Variants in SEC63 observed in about 807,000 individuals in gnomAD.
SEC63 encodes SEC63 protein translocation regulator, also known as translocation protein SEC63 homolog.
Under a neutral mutation model 116.2 loss-of-function variants are expected in SEC63, and 56 were observed. That is an observed-to-expected ratio of 0.48 (90% CI 0.39 to 0.60). The LOEUF is 0.60. SEC63 is among the 20% of genes least tolerant of loss of function. SEC63 has a pLI of 0.00. For synonymous variants in SEC63, 273 were observed against 294.6 expected (o/e 0.93, Z 0.75); for missense variants, 668 against 900.0 (o/e 0.74, Z 3.30).
intron 2 of SEC63, among the ~76,000 whole-genome samples, chr6:107,928,281 G>A (rs886912001): frequency 9.2e-5 from 14 of 151,904 alleles, no homozygotes; most frequent in Admixed American, 7.2e-4. Context: ...CCAAGAGTTC[G>A]AGACCAGCCT....
intron 1 of SEC63, 137 bp from the exon 2 acceptor site, chr6:107,929,651 C>T (rs1787755241): frequency 1.6e-6 from 1 of 612,108 alleles, no homozygotes; most frequent in East Asian, 2.8e-5. Flanking sequence ...TTCAAATAGC[C>T]TTTAAAAAAC....
intron 13 of SEC63, among the ~76,000 whole-genome samples, chr6:107,900,524 T>G (rs1178458468): frequency 6.6e-6 from 1 of 152,044 alleles, no homozygotes. Context: ...AGTGTGCACC[T>G]GTAGTCCCAG....
At chr6:107,940,384 A>G (rs569507847) in intron 1 of SEC63, among the ~76,000 whole-genome samples, 3 of 152,288 alleles carry the variant, frequency 2.0e-5, no homozygotes, top group Non-Finnish European at 4.4e-5. Context: ...TTTTCCTTTT[A>G]TGGTACTGAA....
intron 3 of SEC63, 129 bp from the exon 4 acceptor site, chr6:107,922,038 C>T (rs1787570132): frequency 1.6e-6 from 1 of 623,054 alleles, no homozygotes; most frequent in Non-Finnish European, 2.8e-6. Flanking sequence ...AGACAAAATC[C>T]ATTTTTCATC....
intron 1 of SEC63, among the ~76,000 whole-genome samples, chr6:107,951,759 GGATCATGA>G (rs1399553889): frequency 6.6e-6 from 1 of 151,700 alleles, no homozygotes; most frequent in Non-Finnish European, 1.5e-5. Context: ...TGAGGCAGGC[GGATCATGA>G]GGTCAGGAGA....
In SEC63 at chr6:107,871,691, T is replaced by C. The variant is rs376333856; in HGVS notation, c.*13A>G. 23 of 1,611,720 alleles carry C rather than the reference T, an allele frequency of 1.4e-5. No homozygotes were observed. In the Admixed American group the frequency reaches 2.2e-4, roughly 15 times the overall value. On this transcript the variant is annotated 3_prime_UTR_variant, in exon 21 of 21. Transcript: ENST00000369002. ...AAATATGTGCAAACACTGTGGTCCA[T>C]TCAGAGTACTGCTTAGTCATCATCT...
At chr6:107,913,451 C>T in intron 4 of SEC63, 24 bp from the exon 5 acceptor site, 7 of 1,591,894 alleles carry the variant, frequency 4.4e-6, no homozygotes, top group Non-Finnish European at 6.0e-6. Flanking sequence ...AACAAAGTTG[C>T]AAAATTAGAA....
intron 1 of SEC63, among the ~76,000 whole-genome samples, chr6:107,954,169 C>G (rs547878734): frequency 8.7e-4 from 132 of 152,156 alleles, no homozygotes; most frequent in Non-Finnish European, 1.5e-3. Context: ...GACCCTACCC[C>G]CAACCCTGTG....
At chr6:107,922,849 G>A (rs1192310496) in intron 3 of SEC63, among the ~76,000 whole-genome samples, 5 of 151,938 alleles carry the variant, frequency 3.3e-5, no homozygotes, top group African/African-American at 1.2e-4. Context: ...TGAATGTCTG[G>A]ATCAAGCCAT....
At chr6:107,923,212 CAGCTCG>C (rs988599689) in intron 3 of SEC63, among the ~76,000 whole-genome samples, 1 of 151,638 alleles carries the variant, frequency 6.6e-6, no homozygotes, top group African/African-American at 2.4e-5. Flanking sequence ...GGTGCAATCA[CAGCTCG>C]CTGCAGCCTT....
At chr6:107,918,787 T>C (rs1787476622) in intron 4 of SEC63, among the ~76,000 whole-genome samples, 1 of 151,748 alleles carries the variant, frequency 6.6e-6, no homozygotes, top group African/African-American at 2.4e-5. Context: ...CTGGGTAAAG[T>C]AAATTGAAAA....
chr6:107,939,484 G>A (rs1335941820), intron 1 of SEC63, among the ~76,000 whole-genome samples: 1 of 152,110 alleles, frequency 6.6e-6, no homozygotes. Flanking sequence ...TCAAAAAAAG[G>A]CTCATGCCTG....
At chr6:107,899,787 C>T (rs2744225) in intron 13 of SEC63, among the ~76,000 whole-genome samples, 132,193 of 152,120 alleles carry the variant, frequency 0.87, 57,602 homozygotes, top group Middle Eastern at 0.92. Flanking sequence ...CAAAGTATCT[C>T]TAAGTCCCAA....
At chr6:107,883,326 A>G in intron 16 of SEC63, 180 bp from the exon 17 acceptor site, 3 of 652,050 alleles carry the variant, frequency 4.6e-6, no homozygotes, top group Admixed American at 5.8e-5. Flanking sequence ...GAGTCAGACT[A>G]AAGAGTTTAA....
intron 4 of SEC63, among the ~76,000 whole-genome samples, chr6:107,915,234 G>T (rs1883390): frequency 0.87 from 132,088 of 151,882 alleles, 57,607 homozygotes; most frequent in Middle Eastern, 0.92. Context: ...TTAATTTTTT[G>T]GGGGTAACAG....
chr6:107,947,833 C>A (rs1360075121), intron 1 of SEC63, among the ~76,000 whole-genome samples: 1 of 152,048 alleles, frequency 6.6e-6, no homozygotes, highest in Non-Finnish European at 1.5e-5. Context: ...CATCTAGTTT[C>A]CCACCCAGCC....
chr6:107,924,938 T>TAAAC lies in SEC63; in HGVS notation c.225-7_225-6insGTTT. On this transcript the variant is annotated splice_region_variant and splice_polypyrimidine_tract_variant and intron_variant, in intron 2 of 20. Transcript: ENST00000369002. ...CTGCAAGCAGAACTATTTTCCTGTT[T>TAAAC]AGGAAAAAGGTAAGTGAATCATAAA... 6.7e-7 allele frequency: 1 copy of TAAAC among 1,488,124 alleles called. No homozygotes were observed. The highest frequency in any genetic ancestry group is 9.4e-7 in the Non-Finnish European group (1 of 1,065,686). 92.2% of individuals were successfully genotyped at this position (1,488,124 alleles called of 1,614,324 possible). A position where few individuals can be genotyped will look rare whatever the true frequency, so the allele number is the denominator to read the frequency against.
Position 107,906,679 on chromosome 6 carries a change from T to C in SEC63, c.828+4A>G. On this transcript the variant is annotated splice_donor_region_variant and intron_variant, in intron 9 of 20. Coordinates refer to ENST00000369002, the MANE Select transcript of SEC63 (RefSeq NM_007214.5). ...CATCGGGGGATTTGGGAAATTAGCC[T>C]AACCTGTGGTATTAGAATATTATCC... 1 of 1,612,606 alleles carries C rather than the reference T, an allele frequency of 6.2e-7. No homozygotes were observed. Among genetic ancestry groups the C allele is most frequent in the Non-Finnish European group, 8.5e-7 (1 of 1,178,632 alleles).
At chr6:107,890,673 T>C (rs1786660160) in intron 16 of SEC63, among the ~76,000 whole-genome samples, 1 of 152,184 alleles carries the variant, frequency 6.6e-6, no homozygotes, top group African/African-American at 2.4e-5. Flanking sequence ...TTGACAGTCT[T>C]TACAATTTGG....
Sources: gnomAD v4.1 joint callset for allele counts (sites outside exome capture counted in the v4.1 genomes callset) on GRCh38, gnomAD v4.1.1 for gene constraint, MANE v1.5 for transcripts, NCBI Gene and HGNC (gene_info 2026-07-23, HGNC 2026-07-21) for gene names.